Variants in SIPA1L3 observed in about 807,000 individuals in gnomAD.
SIPA1L3 encodes the protein signal induced proliferation associated 1 like 3, also known as signal-induced proliferation-associated 1-like protein 3.
Under a neutral mutation model 150.1 loss-of-function variants are expected in SIPA1L3, and 59 were observed. That is an observed-to-expected ratio of 0.39 (90% CI 0.32 to 0.49). The LOEUF (loss-of-function observed/expected upper bound fraction) is 0.49. Ranked by LOEUF, SIPA1L3 falls within the 20% of genes least tolerant of loss-of-function variation. The probability of loss-of-function intolerance (pLI) is 0.86; values close to 1 mark genes in which losing one functional copy is unlikely to be tolerated. For missense variants in SIPA1L3, 2,211 were observed against 2,489.5 expected (o/e 0.89, Z 2.38); for synonymous variants, 1,070 against 1,077.6 (o/e 0.99, Z 0.14).
At chr19:38,065,456 C>T (rs1229067780) in intron 2 of SIPA1L3, among the ~76,000 whole-genome samples, 1 of 149,720 alleles carries the variant, frequency 6.7e-6, no homozygotes, top group East Asian at 2.0e-4. Flanking sequence ...GCTGTTATTG[C>T]CCAGGCTGGA....
intron 1 of SIPA1L3, among the ~76,000 whole-genome samples, chr19:38,011,028 TATATC>T (rs916332201): frequency 1.3e-5 from 2 of 152,208 alleles, no homozygotes; most frequent in African/African-American, 4.8e-5. Context: ...TGTGCGCAGA[TATATC>T]TTATTTTTTC....
At chr19:38,000,503 CTCGGTTTATAAATAGTGG>C (rs1281891554) in intron 1 of SIPA1L3, among the ~76,000 whole-genome samples, 1 of 147,468 alleles carries the variant, frequency 6.8e-6, no homozygotes, top group African/African-American at 2.5e-5. Context: ...AAAAAAGAAC[CTCGGTTTATAAATAGTGG>C]TTCAGATGGA....
chr19:38,146,292 T>TC (rs1340822881), intron 12 of SIPA1L3, among the ~76,000 whole-genome samples: 8 of 152,230 alleles, frequency 5.3e-5, no homozygotes, highest in Non-Finnish European at 1.0e-4. Context: ...CGCGAGTCTC[T>TC]AGTTCACTCA....
chr19:38,119,779 A>T lies in SIPA1L3; in HGVS notation c.2765A>T (p.Asp922Val), dbSNP rs199972939. Residue 922 changes from aspartate (D) to valine (V), a missense_variant, in exon 9 of 22, where the codon GAC (aspartate) becomes GTC (valine). Physicochemically the swap from Asp to Val is radical, Grantham distance 152 (BLOSUM62 -3). Around this residue, in one of 5 missense-constraint regions of SIPA1L3, gnomAD observed 625 missense variants for 804.2 expected, o/e 0.78. Transcript: ENST00000222345. ...GGGGATGTCATTGGCTGGACTCCAG[A>T]CTCCTCCACACTCAAAATCTTCTAT... ...YCGDVIGWTP[D>V]SSTLKIFYGR... 1.9e-6 allele frequency: 3 copies of T among 1,613,544 alleles called. No homozygotes were observed. Among genetic ancestry groups the T allele is most frequent in the Non-Finnish European group, 2.5e-6 (3 of 1,179,982 alleles).
intron 3 of SIPA1L3, among the ~76,000 whole-genome samples, chr19:38,084,185 C>T (rs1304811172): frequency 6.6e-6 from 1 of 152,022 alleles, no homozygotes; most frequent in Non-Finnish European, 1.5e-5. Context: ...AAGATGGCTG[C>T]TGGAGTGCCA....
chr19:38,081,771 C>T lies in SIPA1L3; in HGVS notation c.206C>T (p.Pro69Leu). ...ATATATTRPS[P>L]TTPAMPKMGV... ...GCCACCGCCACCACCCGCCCCAGCCCCACCACTCCCGCAATGCCCAAGATG... is the reference window on the plus strand; with the variant it reads ...GCCACCGCCACCACCCGCCCCAGCCTCACCACTCCCGCAATGCCCAAGATG... Residue 69 changes from proline (P) to leucine (L), a missense_variant, in exon 3 of 22, where the codon CCC becomes CTC. This residue lies in a region of SIPA1L3 where 130 missense variants were observed against 174.5 expected (regional missense o/e 0.74). Coordinates refer to ENST00000222345, the MANE Select transcript of SIPA1L3 (RefSeq NM_015073.3). 1.2e-6 allele frequency: 2 copies of T among 1,609,162 alleles called. No homozygotes were observed. The highest frequency in any genetic ancestry group is 1.7e-6 in the Non-Finnish European group (2 of 1,178,462).
In SIPA1L3 at chr19:38,100,131, T is replaced by C; in HGVS notation, c.1835T>C (p.Leu612Pro). Reference protein sequence around the residue: ...LNTPKVTEQLLKLDEQGLCRK... With the variant: ...LNTPKVTEQLPKLDEQGLCRK... Reference sequence around the variant, plus strand: ...ACCCCCAAGGTGACGGAGCAACTGCTGAAGCTCGATGAGCAAGGGGTGAGT... The same window carrying C: ...ACCCCCAAGGTGACGGAGCAACTGCCGAAGCTCGATGAGCAAGGGGTGAGT... The change falls in exon 5 of 22, where the codon CTG becomes CCG. Residue 612 changes from leucine to proline, a missense_variant. Leu to Pro is a moderately conservative substitution (Grantham distance 98). Around this residue, in one of 5 missense-constraint regions of SIPA1L3, gnomAD observed 625 missense variants for 804.2 expected, o/e 0.78. Coordinates refer to ENST00000222345, the MANE Select transcript of SIPA1L3 (RefSeq NM_015073.3). The C allele has an allele frequency of 1.3e-6, 2 of 1,587,980 alleles. No homozygotes were observed. Among genetic ancestry groups the C allele is most frequent in the Non-Finnish European group, 1.7e-6 (2 of 1,168,754 alleles).
intron 1 of SIPA1L3, among the ~76,000 whole-genome samples, chr19:38,021,155 A>T (rs1968364183): frequency 6.6e-6 from 1 of 151,778 alleles, no homozygotes; most frequent in Admixed American, 6.6e-5. Context: ...CTCTCTGCAG[A>T]CTCTCCAGGG....
At chr19:38,128,388 C>A (rs543184623) in intron 9 of SIPA1L3, among the ~76,000 whole-genome samples, 2 of 152,082 alleles carry the variant, frequency 1.3e-5, no homozygotes, top group Admixed American at 6.6e-5. Context: ...CCGTCCAAAT[C>A]AGGAACCAAA....
intron 13 of SIPA1L3, among the ~76,000 whole-genome samples, chr19:38,160,592 A>G (rs1174956504): frequency 1.3e-5 from 2 of 151,104 alleles, no homozygotes; most frequent in African/African-American, 4.9e-5. Flanking sequence ...TTTAGTAGAG[A>G]CGGGGTTTCA....
chr19:38,175,959 G>A (rs935649910), intron 15 of SIPA1L3, among the ~76,000 whole-genome samples: 10 of 152,144 alleles, frequency 6.6e-5, no homozygotes, highest in African/African-American at 2.4e-4. Flanking sequence ...TGTAATCCCA[G>A]CACTTTGGGA....
intron 18 of SIPA1L3, among the ~76,000 whole-genome samples, chr19:38,194,339 C>T (rs1350047810): frequency 6.6e-6 from 1 of 152,058 alleles, no homozygotes; most frequent in Non-Finnish European, 1.5e-5. Flanking sequence ...GCCCCAGATG[C>T]ACCCTGTAAC....
rs377424851 is a variant in SIPA1L3, at chr19:38,033,878, G to T, written c.-311+4722G>T. On this transcript the variant is annotated intron_variant, in intron 2 of 21. Coordinates refer to ENST00000222345, the MANE Select transcript of SIPA1L3 (RefSeq NM_015073.3). ...TGGCAAACAATTACCATGGGTGTGC[G>T]CCTTGAGCCATTTGCATCATGGTAT... Among the ~76,000 whole-genome samples, 91 of 152,234 alleles carry T rather than the reference G, an allele frequency of 6.0e-4. 2 individuals are homozygous for T. The South Asian group carries it at 0.013, about 21-fold the overall frequency.
At position 38,057,351 on chromosome 19, in the gene SIPA1L3, CGTATATATAT is replaced by C. The variant is rs1327933905; in HGVS notation, c.-310-23893_-310-23884del. On this transcript the variant is annotated intron_variant, in intron 2 of 21. Coordinates refer to ENST00000222345, the MANE Select transcript of SIPA1L3 (RefSeq NM_015073.3). ...ACACACACACACACGTATATATATACGTATATATATGTATATATATGGGAAGGTATAAAGA... is the reference window on the plus strand; with the variant it reads ...ACACACACACACACGTATATATATACGTATATATATGGGAAGGTATAAAGA... Among the ~76,000 whole-genome samples the C allele has an allele frequency of 5.3e-5, 8 of 150,168 alleles. No homozygotes were observed. The East Asian group carries it at 9.7e-4, about 18-fold the overall frequency.
At chr19:38,050,761 A>T (rs1436233796) in intron 2 of SIPA1L3, among the ~76,000 whole-genome samples, 1 of 151,764 alleles carries the variant, frequency 6.6e-6, no homozygotes, top group African/African-American at 2.4e-5. Context: ...TTTAATTTTT[A>T]AAAGTATGAT....
intron 1 of SIPA1L3, among the ~76,000 whole-genome samples, chr19:37,909,520 TAAGTC>T (rs1008105892): frequency 1.3e-5 from 2 of 152,270 alleles, no homozygotes; most frequent in African/African-American, 4.8e-5. Flanking sequence ...GTGACAAGGT[TAAGTC>T]AAGTCATTAG....
intron 18 of SIPA1L3, among the ~76,000 whole-genome samples, chr19:38,194,085 G>T (rs1197695802): frequency 2.6e-5 from 4 of 152,080 alleles, no homozygotes; most frequent in Admixed American, 2.6e-4. Flanking sequence ...TAGGGAATGG[G>T]GCTGCCCAGC....
intron 4 of SIPA1L3, among the ~76,000 whole-genome samples, chr19:38,097,230 G>C (rs1286629822): frequency 6.6e-6 from 1 of 152,056 alleles, no homozygotes; most frequent in Non-Finnish European, 1.5e-5. Context: ...CATGCCTATA[G>C]TCCCAGCTGC....
intron 2 of SIPA1L3, among the ~76,000 whole-genome samples, chr19:38,030,219 C>T (rs1968614178): frequency 6.6e-6 from 1 of 152,056 alleles, no homozygotes; most frequent in African/African-American, 2.4e-5. Context: ...GATCAAGATT[C>T]AGAGCAGCCC....
Sources: gnomAD v4.1 joint callset for allele counts (sites outside exome capture counted in the v4.1 genomes callset) on GRCh38, gnomAD v4.1.1 for gene constraint, gnomAD v4.1.1 regional missense constraint, MANE v1.5 for transcripts, NCBI Gene and HGNC (gene_info 2026-07-23, HGNC 2026-07-21) for gene names.